The following UVRAG variants were observed in gnomAD, a reference collection of about 807,000 sequenced individuals.
The protein encoded by UVRAG is UV radiation resistance associated.
In UVRAG, 19 loss-of-function variants were observed where a neutral mutation model predicts 78.0. The ratio of observed to expected loss-of-function variants is 0.24; its 90% confidence interval spans 0.17 to 0.36. The LOEUF (loss-of-function observed/expected upper bound fraction) is 0.36. Ranked by LOEUF, UVRAG falls within the 10% of genes least tolerant of loss-of-function variation. UVRAG has a pLI of 1.00. For synonymous variants in UVRAG, 323 were observed against 324.6 expected, an observed-to-expected ratio of 1.00 and a Z score of 0.05; for missense variants, 740 against 853.8, an observed-to-expected ratio of 0.87 and a Z score of 1.66.
At chr11:75,844,174 A>G (rs1411515053) in intron 1 of UVRAG, among the ~76,000 whole-genome samples, 1 of 152,124 alleles carries the variant, frequency 6.6e-6, no homozygotes, top group Admixed American at 6.5e-5. Flanking sequence ...ATAAAAACAA[A>G]ATAAAAAAGT....
At chr11:75,869,460 T>G (rs1180081457) in intron 3 of UVRAG, among the ~76,000 whole-genome samples, 1 of 152,178 alleles carries the variant, frequency 6.6e-6, no homozygotes, top group Non-Finnish European at 1.5e-5. Flanking sequence ...GAATTAACAT[T>G]GAGTGTGTGT....
intron 6 of UVRAG, among the ~76,000 whole-genome samples, chr11:75,948,450 G>A (rs905815414): frequency 2.0e-5 from 3 of 152,168 alleles, no homozygotes; most frequent in East Asian, 1.9e-4. Flanking sequence ...TTAGGTGATT[G>A]AACACAGGAA....
chr11:75,823,636 G>A (rs1244373386), intron 1 of UVRAG, among the ~76,000 whole-genome samples: 2 of 152,198 alleles, frequency 1.3e-5, no homozygotes, highest in Non-Finnish European at 2.9e-5. Flanking sequence ...CACTGGGCCG[G>A]TAACTTAAAG....
At chr11:75,971,298 T>A (rs323635) in intron 7 of UVRAG, among the ~76,000 whole-genome samples, 47,447 of 152,148 alleles carry the variant, frequency 0.31, 7,799 homozygotes, top group Non-Finnish European at 0.37. Flanking sequence ...AATAAAGTTG[T>A]TGTAGACATT....
In UVRAG at chr11:75,851,919, A is replaced by G; in HGVS notation, c.154A>G (p.Asn52Asp). ...ACATCTTCGGAACATTGCTGCCCGG[A>G]ACATTGTTAATAGAAATGGCCATCA... ...LRHLRNIAAR[N>D]IVNRNGHQLL... The change falls in exon 2 of 15, where the codon AAC becomes GAC. Residue 52 changes from asparagine (N) to aspartate (D), a missense_variant. Asn to Asp is a conservative substitution (Grantham distance 23). Coordinates refer to ENST00000356136, the MANE Select transcript of UVRAG (RefSeq NM_003369.4). 6 of 1,614,068 alleles carry G rather than the reference A, an allele frequency of 3.7e-6. No homozygotes were observed. The highest frequency in any genetic ancestry group is 5.1e-6 in the Non-Finnish European group (6 of 1,179,982).
chr11:76,040,458 T>C (rs1416633147), intron 12 of UVRAG, among the ~76,000 whole-genome samples: 1 of 146,040 alleles, frequency 6.8e-6, no homozygotes, highest in Non-Finnish European at 1.5e-5. Context: ...GGCGACAGTG[T>C]GATACTCCAT....
intron 11 of UVRAG, among the ~76,000 whole-genome samples, chr11:76,012,329 A>AT (rs1409460363): frequency 1.3e-5 from 2 of 152,110 alleles, no homozygotes; most frequent in African/African-American, 4.8e-5. Flanking sequence ...GGAAAAAAAA[A>AT]AAGAAAAAGA....
chr11:75,916,816 GTCT>G (rs1250025317), intron 6 of UVRAG: 13 of 152,228 alleles, frequency 8.5e-5, no homozygotes, highest in African/African-American at 3.1e-4. Flanking sequence ...GGTCTAAGCT[GTCT>G]TCTTGTGCCA....
intron 13 of UVRAG, among the ~76,000 whole-genome samples, chr11:76,080,341 A>C (rs1015523796): frequency 3.3e-5 from 5 of 152,208 alleles, no homozygotes; most frequent in Admixed American, 2.6e-4. Context: ...ATATTAAAAT[A>C]ATTTTAAAGG....
At chr11:75,872,427 C>T (rs1309125909) in intron 3 of UVRAG, among the ~76,000 whole-genome samples, 2 of 143,848 alleles carry the variant, frequency 1.4e-5, no homozygotes, top group Admixed American at 7.1e-5. Context: ...CTCACTCTGT[C>T]GCCCAGGCTA....
intron 7 of UVRAG, among the ~76,000 whole-genome samples, chr11:75,968,694 C>T (rs1366260351): frequency 6.6e-6 from 1 of 152,130 alleles, no homozygotes; most frequent in South Asian, 2.1e-4. Flanking sequence ...CAGGCATATC[C>T]CTGTGTTCTC....
At chr11:75,916,063 A>G (rs917350306) in intron 6 of UVRAG, 6 of 152,242 alleles carry the variant, frequency 3.9e-5, no homozygotes, top group Non-Finnish European at 8.8e-5. Flanking sequence ...ACTCTGTTAT[A>G]GTAAGAAAAG....
intron 1 of UVRAG, among the ~76,000 whole-genome samples, chr11:75,822,795 C>T (rs377252238): frequency 2.6e-5 from 4 of 152,098 alleles, no homozygotes; most frequent in South Asian, 2.1e-4. Flanking sequence ...CTCCACCCTC[C>T]ACATGTTCAG....
rs143565981 is a variant in UVRAG, at chr11:75,819,441, G to T, written c.117+3917G>T. ...CCTCTCACTGCAACCTGCCCCTCCCGGGTTCAAGCAATCCTCCCACCTCAG... is the reference window on the plus strand; with the variant it reads ...CCTCTCACTGCAACCTGCCCCTCCCTGGTTCAAGCAATCCTCCCACCTCAG... On this transcript the variant is annotated intron_variant, in intron 1 of 14. Transcript: ENST00000356136. 8.1e-3 allele frequency among the ~76,000 whole-genome samples: 1,232 copies of T among 151,960 alleles called. 7 individuals carry two copies. Among genetic ancestry groups the T allele is most frequent in the South Asian group, 0.027 (129 of 4,818 alleles).
chr11:75,828,767 A>G (rs1456101478), intron 1 of UVRAG, among the ~76,000 whole-genome samples: 2 of 111,634 alleles, frequency 1.8e-5, no homozygotes, highest in Non-Finnish European at 3.5e-5. Context: ...ATATATATAT[A>G]TATATATACA....
rs923156273 is a variant in UVRAG, at chr11:76,124,240, G to A, written c.1397+8225G>A. On this transcript the variant is annotated intron_variant, in intron 14 of 14. Transcript: ENST00000356136. ...ATTATTATTAAGTATTAAAGAATTTGACAATTCATTAAGTGTCTATTCTGC... is the reference window on the plus strand; with the variant it reads ...ATTATTATTAAGTATTAAAGAATTTAACAATTCATTAAGTGTCTATTCTGC... 7.9e-5 allele frequency among the ~76,000 whole-genome samples: 12 copies of A among 152,332 alleles called. No individual in the cohort carries two copies. The East Asian group carries it at 2.3e-3, about 29-fold the overall frequency.
rs116147606 is a variant in UVRAG, at chr11:75,905,483, T to G, written c.508-6471T>G. ...TCCAAACCCCTGGCAAACACCAGTT[T>G]GTTTTCCATCTCTATGGATTTACCT... On this transcript the variant is annotated intron_variant, in intron 5 of 14. Coordinates refer to ENST00000356136, the MANE Select transcript of UVRAG (RefSeq NM_003369.4). Among the ~76,000 whole-genome samples the G allele has an allele frequency of 4.9e-3, 750 of 152,364 alleles. 4 individuals are homozygous for G. Among genetic ancestry groups the G allele is most frequent in the African/African-American group, 0.016 (685 of 41,578 alleles).
chr11:75,938,107 A>T (rs1432893725), intron 6 of UVRAG, among the ~76,000 whole-genome samples: 1 of 150,446 alleles, frequency 6.6e-6, no homozygotes, highest in South Asian at 2.1e-4. Flanking sequence ...ACATATATAT[A>T]TTTTTCTCAT....
intron 13 of UVRAG, among the ~76,000 whole-genome samples, chr11:76,089,140 A>G (rs1408395046): frequency 1.3e-5 from 2 of 152,176 alleles, no homozygotes; most frequent in Non-Finnish European, 2.9e-5. Context: ...ATGAAATTAC[A>G]GTCTTACTTA....
Sources: gnomAD v4.1 joint callset for allele counts (sites outside exome capture counted in the v4.1 genomes callset) on GRCh38, gnomAD v4.1.1 for gene constraint, MANE v1.5 for transcripts, NCBI Gene and HGNC (gene_info 2026-07-23, HGNC 2026-07-21) for gene names.